The following AKAP7 variants were observed in gnomAD, a reference collection of about 807,000 sequenced individuals.
The protein encoded by AKAP7 is A kinase (PRKA) anchor protein 7.
Under a neutral mutation model 39.5 loss-of-function variants are expected in AKAP7, and 39 were observed. The ratio of observed to expected loss-of-function variants is 0.99; its 90% CI spans 0.76 to 1.29. The LOEUF is 1.29. Ranked by LOEUF, AKAP7 falls within the 50% of genes most tolerant of loss-of-function variation. The probability of loss-of-function intolerance (pLI) is 0.00; values close to 1 mark genes in which losing one functional copy is unlikely to be tolerated. For missense variants in AKAP7, 414 were observed against 407.7 expected (o/e 1.02, Z -0.13); for synonymous variants, 140 against 139.1 (o/e 1.01, Z -0.05).
intron 2 of AKAP7, among the ~76,000 whole-genome samples, chr6:131,146,026 A>G (rs773652831): frequency 1.3e-5 from 2 of 152,188 alleles, no homozygotes; most frequent in Non-Finnish European, 2.9e-5. Flanking sequence ...GCCCTTGATT[A>G]TTGTGGAGCC....
intron 6 of AKAP7, among the ~76,000 whole-genome samples, chr6:131,202,046 C>A (rs9689044): frequency 0.028 from 4,261 of 152,150 alleles, 197 homozygotes; most frequent in African/African-American, 0.097. Flanking sequence ...AAATGCAAAT[C>A]AAAACCACAA....
chr6:131,179,310 A>G (rs1320291567), intron 5 of AKAP7, among the ~76,000 whole-genome samples: 1 of 151,992 alleles, frequency 6.6e-6, no homozygotes, highest in Non-Finnish European at 1.5e-5. Flanking sequence ...AGTAGCTGGG[A>G]TTACAGGTGC....
the AKAP7 span, among the ~76,000 whole-genome samples, chr6:131,125,881 GT>G: frequency 6.6e-6 from 1 of 152,148 alleles, no homozygotes; most frequent in Non-Finnish European, 1.5e-5. Flanking sequence ...CTCGCTATGT[GT>G]TTTAAGTTGA....
At chr6:131,140,961 A>C (rs1243478601) in intron 1 of AKAP7, among the ~76,000 whole-genome samples, 1 of 152,210 alleles carries the variant, frequency 6.6e-6, no homozygotes, top group Non-Finnish European at 1.5e-5. Flanking sequence ...TAGTGAACTG[A>C]CAGTTGTTGA....
At chr6:131,240,634 C>T (rs1424382735) in intron 7 of AKAP7, among the ~76,000 whole-genome samples, 2 of 152,202 alleles carry the variant, frequency 1.3e-5, no homozygotes. Context: ...GCCTTGCTGC[C>T]ACCTTGCAGT....
At chr6:131,195,334 C>CT (rs1260934211) in intron 5 of AKAP7, among the ~76,000 whole-genome samples, 2 of 152,070 alleles carry the variant, frequency 1.3e-5, no homozygotes, top group African/African-American at 2.4e-5. Context: ...TACACCTTAA[C>CT]TTTGTCTTCT....
At position 131,219,751 on chromosome 6, in the gene AKAP7, A is replaced by G. The variant is rs1455765256; in HGVS notation, c.793A>G (p.Met265Val). 1.3e-6 allele frequency: 2 copies of G among 1,596,566 alleles called. No homozygotes were observed. The highest frequency in any genetic ancestry group is 1.8e-5 in the Admixed American group (1 of 56,740). ...ATTATATCGCATAGATCTTTGCTCC[A>G]TGCTGAAGAAAAAACAAAGTAATGG... ...EILYRIDLCS[M>V]LKKKQSNGYY... Residue 265 changes from methionine (M) to valine (V), a missense_variant, in exon 7 of 8, where the codon ATG becomes GTG. Physicochemically the swap from Met to Val is conservative, Grantham distance 21. Transcript: ENST00000431975.
At chr6:131,189,169 TATC>T (rs903072623) in intron 5 of AKAP7, among the ~76,000 whole-genome samples, 4 of 152,208 alleles carry the variant, frequency 2.6e-5, no homozygotes, top group African/African-American at 9.7e-5. Flanking sequence ...TGAGAGAGAA[TATC>T]ATACTGCATA....
At chr6:131,135,079 TCTCATTATACA>T (rs977048157), upstream of AKAP7, among the ~76,000 whole-genome samples, 1 of 152,192 alleles carries the variant, frequency 6.6e-6, no homozygotes, top group Non-Finnish European at 1.5e-5. Flanking sequence ...AAATAAAGTA[TCTCATTATACA>T]GAAGTACAAG....
At chr6:131,126,876 G>C in the AKAP7 span, among the ~76,000 whole-genome samples, 1 of 152,242 alleles carries the variant, frequency 6.6e-6, no homozygotes, top group Admixed American at 6.5e-5. Context: ...GGTGTACAGA[G>C]TGTTTTCCTG....
chr6:131,283,318 T>C lies in AKAP7; in HGVS notation c.*1592T>C, dbSNP rs1477554350. 6.6e-6 allele frequency: 1 copy of C among 152,602 alleles called. No homozygotes were observed. The highest frequency in any genetic ancestry group is 1.5e-5 in the Non-Finnish European group (1 of 68,028). 9.5% of individuals were successfully genotyped at this position (152,602 alleles called of 1,614,324 possible). ...ATCTTGAAAAACTTCCCCGGTATGATGATTGTTGGTAACAACTTTTTCTAT... is the reference window on the plus strand; with the variant it reads ...ATCTTGAAAAACTTCCCCGGTATGACGATTGTTGGTAACAACTTTTTCTAT... On this transcript the variant is annotated 3_prime_UTR_variant, in exon 8 of 8. Coordinates refer to ENST00000431975, the MANE Select transcript of AKAP7 (RefSeq NM_016377.4).
intron 7 of AKAP7, among the ~76,000 whole-genome samples, chr6:131,274,523 A>T (rs1814579013): frequency 6.6e-6 from 1 of 152,012 alleles, no homozygotes; most frequent in Admixed American, 6.6e-5. Flanking sequence ...TTGTTTTTAG[A>T]GATGTGGTCT....
chr6:131,281,811 TTTAAG>T lies in AKAP7; in HGVS notation c.*93_*97del, dbSNP rs1473222329. Reference sequence around the variant, plus strand: ...CTAGGGACTGACTTGCAGCGTGCTGTTTAAGTTAAGTTTCTCTGGTGCAATCTGTG... The same window carrying T: ...CTAGGGACTGACTTGCAGCGTGCTGTTTAAGTTTCTCTGGTGCAATCTGTG... On this transcript the variant is annotated 3_prime_UTR_variant, in exon 8 of 8. Transcript: ENST00000431975. The surrounding 1 kb of genome is among the most constrained non-coding windows in gnomAD (Gnocchi z 4.0). The T allele has an allele frequency of 6.3e-5, 86 of 1,368,904 alleles. No individual in the cohort carries two copies. Among genetic ancestry groups the T allele is most frequent in the African/African-American group, 3.3e-4 (22 of 67,404 alleles). The allele number at this position is 1,368,904 out of a possible 1,614,324, so 84.8% of individuals were successfully genotyped here. A position where few individuals can be genotyped will look rare whatever the true frequency, so the allele number is the denominator to read the frequency against.
At position 131,135,632 on chromosome 6, in the gene AKAP7, C is replaced by A. The variant is rs1214892327; in HGVS notation, c.-132C>A. On this transcript the variant is annotated 5_prime_UTR_variant, in exon 1 of 8. Coordinates refer to ENST00000431975, the MANE Select transcript of AKAP7 (RefSeq NM_016377.4). ...CGCAGCCTGTCGCTGGACCCCGCGC[C>A]GGCCCAGCGCACCGCCCTCAGGCCC... 2 of 813,228 alleles carry A rather than the reference C, an allele frequency of 2.5e-6. No individual in the cohort carries two copies. Among genetic ancestry groups the A allele is most frequent in the South Asian group, 5.4e-5 (1 of 18,656 alleles). The allele number at this position is 813,228 out of a possible 1,614,324, so 50.4% of individuals were successfully genotyped here.
At chr6:131,166,556 G>C (rs1218221789) in intron 4 of AKAP7, among the ~76,000 whole-genome samples, 1 of 152,220 alleles carries the variant, frequency 6.6e-6, no homozygotes, top group Non-Finnish European at 1.5e-5. Flanking sequence ...GGGAAGAGTT[G>C]ATGTCGTAGT....
chr6:131,251,746 T>C (rs1040223056), intron 7 of AKAP7, among the ~76,000 whole-genome samples: 4 of 152,264 alleles, frequency 2.6e-5, no homozygotes, highest in Non-Finnish European at 5.9e-5. Flanking sequence ...TGTGAAAGGA[T>C]ACTGTAAAGT....
At chr6:131,237,323 G>A (rs575235041) in intron 7 of AKAP7, among the ~76,000 whole-genome samples, 32 of 152,278 alleles carry the variant, frequency 2.1e-4, no homozygotes, top group African/African-American at 7.0e-4. Flanking sequence ...TTTTATTGAG[G>A]ATTTTTGCAT....
chr6:131,281,957 A>G lies in AKAP7; in HGVS notation c.*231A>G, dbSNP rs1815236263. 1 of 1,212,814 alleles carries G rather than the reference A, an allele frequency of 8.2e-7. No homozygotes were observed. Among genetic ancestry groups the G allele is most frequent in the Non-Finnish European group, 1.0e-6 (1 of 976,510 alleles). 75.1% of individuals were successfully genotyped at this position (1,212,814 alleles called of 1,614,324 possible). A position where few individuals can be genotyped will look rare whatever the true frequency, so the allele number is the denominator to read the frequency against. On this transcript the variant is annotated 3_prime_UTR_variant, in exon 8 of 8. Coordinates refer to ENST00000431975, the MANE Select transcript of AKAP7 (RefSeq NM_016377.4). This position sits in a 1 kb window ranked among gnomAD's most constrained non-coding sequence, Gnocchi z 4.0. Reference sequence around the variant, plus strand: ...TAATTGATGAAAGAAGAATGGCCCAAGTTTCATTCGCCCTCAGCCACGCAC... The same window carrying G: ...TAATTGATGAAAGAAGAATGGCCCAGGTTTCATTCGCCCTCAGCCACGCAC...
At chr6:131,270,933 G>C (rs931020477) in intron 7 of AKAP7, among the ~76,000 whole-genome samples, 1 of 152,066 alleles carries the variant, frequency 6.6e-6, no homozygotes, top group Non-Finnish European at 1.5e-5. Context: ...TTTTCTTACT[G>C]TTAAGTAGTA....
Sources: gnomAD v4.1 joint callset for allele counts (sites outside exome capture counted in the v4.1 genomes callset) on GRCh38, gnomAD v4.1.1 for gene constraint, Gnocchi (gnomAD v3.1) non-coding constraint, MANE v1.5 for transcripts, NCBI Gene and HGNC (gene_info 2026-07-23, HGNC 2026-07-21) for gene names.